Variants in PCDHA12 observed in about 807,000 individuals in gnomAD.
PCDHA12 encodes protocadherin alpha-12.
A neutral mutation model predicts 60.0 loss-of-function variants in PCDHA12; 44 were observed. That is an observed-to-expected ratio of 0.73 (90% confidence interval 0.58 to 0.94). The LOEUF is 0.94. PCDHA12 is among the 40% of genes least tolerant of loss of function. The pLI, the probability that PCDHA12 is intolerant of heterozygous loss-of-function variation, is 0.00. For synonymous variants in PCDHA12, 569 were observed against 553.0 expected (o/e 1.03, Z -0.40); for missense variants, 1,276 against 1,239.7 (o/e 1.03, Z -0.44).
chr5:140,983,228 A>G (rs1012242202), intron 3 of PCDHA12, among the ~76,000 whole-genome samples: 1 of 152,240 alleles, frequency 6.6e-6, no homozygotes, highest in South Asian at 2.1e-4. Flanking sequence ...CCAAACTTTC[A>G]GGAAAGAGAA....
intron 1 of PCDHA12, chr5:140,882,955 C>G (rs1554176243): frequency 6.2e-7 from 1 of 1,614,178 alleles, no homozygotes; most frequent in Admixed American, 1.7e-5. Context: ...TTCAGCTGCT[C>G]ATCACGATTC....
At position 140,982,508 on chromosome 5, in the gene PCDHA12, G is replaced by A. The variant is rs1586930589; in HGVS notation, c.2460G>A (p.Arg820=). The change falls in exon 3 of 4, where the codon CGG becomes CGA. Residue 820 remains arginine, a synonymous_variant. Transcript: ENST00000398631. The part of the protein sequence containing the change: ...SVHLEEAGIL[R]AGPGGPDQQW... The stretch of plus-strand genomic sequence containing the variant: ...ACCTAGAGGAGGCTGGCATTCTACG[G>A]GCTGGTCCAGGAGGGCCTGATCAGC... The A allele has an allele frequency of 6.2e-7, 1 of 1,614,154 alleles. No individual in the cohort carries two copies. Among genetic ancestry groups the A allele is most frequent in the Non-Finnish European group, 8.5e-7 (1 of 1,180,018 alleles).
chr5:140,941,260 T>TCTTTCTTTCTTC (rs2092990214), intron 1 of PCDHA12, among the ~76,000 whole-genome samples: 2 of 138,280 alleles, frequency 1.4e-5, no homozygotes, highest in Admixed American at 1.5e-4. Flanking sequence ...TCTTTCTCTT[T>TCTTTCTTTCTTC]CTTTCTTTCT....
At chr5:140,882,375 C>G (rs879994353) in intron 1 of PCDHA12, 2 of 1,614,094 alleles carry the variant, frequency 1.2e-6, no homozygotes, top group Non-Finnish European at 1.7e-6. Context: ...TACTCCGTCC[C>G]CGAGGAAGCA....
chr5:140,969,149 G>C (rs782510891), intron 1 of PCDHA12: 3 of 1,614,120 alleles, frequency 1.9e-6, no homozygotes, highest in South Asian at 1.1e-5. Context: ...CTGCTACAAG[G>C]CCTGTCTGAC....
chr5:141,009,372 T>C (rs1026606654), intron 3 of PCDHA12, among the ~76,000 whole-genome samples: 3 of 152,152 alleles, frequency 2.0e-5, no homozygotes, highest in Non-Finnish European at 1.5e-5. Context: ...GATGGGAGGA[T>C]TGATTGAGCA....
intron 1 of PCDHA12, among the ~76,000 whole-genome samples, chr5:140,900,150 C>T (rs265315): frequency 0.046 from 7,055 of 152,208 alleles, 291 homozygotes; most frequent in African/African-American, 0.11. Context: ...TAAGAACATA[C>T]GATATTTGTC....
At chr5:140,924,891 T>C (rs549129193) in intron 1 of PCDHA12, among the ~76,000 whole-genome samples, 1 of 88,410 alleles carries the variant, frequency 1.1e-5, no homozygotes, top group African/African-American at 5.1e-5. Context: ...CAAGAACCTG[T>C]CTCAAAAAAA....
Position 140,928,756 on chromosome 5 carries a change from C to T in PCDHA12, c.2368-50193C>T. 2.5e-6 allele frequency: 4 copies of T among 1,614,164 alleles called. No individual in the cohort carries two copies. The highest frequency in any genetic ancestry group is 3.4e-6 in the Non-Finnish European group (4 of 1,180,032). On this transcript the variant is annotated intron_variant, in intron 1 of 3. Transcript: ENST00000398631. The stretch of plus-strand genomic sequence containing the variant: ...CAATATAGGTGAGCTCCGTACTGCT[C>T]GCTTAGTTCTTCCCACTGATGCAGT...
chr5:140,991,981 T>TACC (rs1311484629), intron 3 of PCDHA12, among the ~76,000 whole-genome samples: 8 of 152,126 alleles, frequency 5.3e-5, no homozygotes, highest in Admixed American at 2.0e-4. Flanking sequence ...TTATTCTGCC[T>TACC]ACCACCCGGT....
chr5:140,917,396 G>C (rs928504202), intron 1 of PCDHA12, among the ~76,000 whole-genome samples: 2 of 151,286 alleles, frequency 1.3e-5, no homozygotes, highest in East Asian at 3.9e-4. Flanking sequence ...ATGTGCAGAA[G>C]CTCTTTAGTT....
chr5:140,896,980 C>A (rs2065827913), intron 1 of PCDHA12, among the ~76,000 whole-genome samples: 1 of 152,032 alleles, frequency 6.6e-6, no homozygotes, highest in South Asian at 2.1e-4. Context: ...ACAAACAAAC[C>A]AGTTATGCTC....
In PCDHA12 at chr5:140,928,891, T is replaced by A. The variant is rs1299939193; in HGVS notation, c.2368-50058T>A. On this transcript the variant is annotated intron_variant, in intron 1 of 3. Coordinates refer to ENST00000398631, the MANE Select transcript of PCDHA12 (RefSeq NM_018903.4). ...CTCTGTCCCTCAGTTACTTCCAGAC[T>A]TTGAAGATGTCTGGGAACCAGGAGG... 1.2e-6 allele frequency: 2 copies of A among 1,614,066 alleles called. No individual in the cohort carries two copies. The highest frequency in any genetic ancestry group is 2.7e-5 in the African/African-American group (2 of 74,942).
intron 1 of PCDHA12, chr5:140,968,553 G>A (rs782583876): frequency 4.3e-6 from 7 of 1,614,132 alleles, no homozygotes; most frequent in South Asian, 2.2e-5. Context: ...ATGGTGCCTC[G>A]AACTGCCCCT....
chr5:140,978,836 A>G (rs891146888), intron 1 of PCDHA12, 113 bp from the exon 2 acceptor site: 1 of 1,552,522 alleles, frequency 6.4e-7, no homozygotes, highest in Non-Finnish European at 8.7e-7. Context: ...GGCTCATTCA[A>G]TACTTTTTTA....
intron 1 of PCDHA12, among the ~76,000 whole-genome samples, chr5:140,938,949 G>A (rs943956831): frequency 6.6e-6 from 1 of 152,028 alleles, no homozygotes; most frequent in Non-Finnish European, 1.5e-5. Flanking sequence ...TTCTTATAAT[G>A]CTCTAGTCGG....
Position 140,971,633 on chromosome 5 carries a change from T to A in PCDHA12, c.2368-7316T>A, listed in dbSNP as rs540754440. 2.0e-5 allele frequency among the ~76,000 whole-genome samples: 3 copies of A among 152,294 alleles called. No individual in the cohort carries two copies. The South Asian group carries it at 6.2e-4, about 32-fold the overall frequency. On this transcript the variant is annotated intron_variant, in intron 1 of 3. Transcript: ENST00000398631. ...GAGTCCTGGGGTACAATTAGTACCA[T>A]GTGCCTACATTAAAAGTAGATGGGA...
chr5:140,947,402 T>C (rs550043631), intron 1 of PCDHA12, among the ~76,000 whole-genome samples: 1 of 151,868 alleles, frequency 6.6e-6, no homozygotes, highest in East Asian at 1.9e-4. Context: ...AAGTAGACTG[T>C]CTTGATATTG....
chr5:140,903,271 A>T (rs193242810), intron 1 of PCDHA12, among the ~76,000 whole-genome samples: 58 of 152,326 alleles, frequency 3.8e-4, no homozygotes, highest in African/African-American at 1.3e-3. Flanking sequence ...GGAGTGAGGT[A>T]GTGTCTCATT....
Sources: allele counts gnomAD v4.1 joint callset (sites outside exome capture counted in the v4.1 genomes callset), GRCh38; gene constraint gnomAD v4.1.1; transcripts MANE v1.5; gene names NCBI Gene and HGNC (gene_info 2026-07-23, HGNC 2026-07-21).